LRRC4C: variants seen among roughly 807,000 people sequenced by gnomAD.
LRRC4C encodes the protein leucine rich repeat containing 4C, also known as leucine-rich repeat-containing protein 4C.
LRRC4C carries 5 observed loss-of-function variants against 33.6 expected under a neutral mutation model. The observed-to-expected ratio is 0.15, with a 90% CI of 0.08 to 0.31. The LOEUF is 0.31. Among genes scored for constraint, LRRC4C ranks in the 10% least tolerant of loss-of-function variants. The probability of loss-of-function intolerance (pLI) is 1.00; values close to 1 mark genes in which losing one functional copy is unlikely to be tolerated. For missense variants in LRRC4C, 560 were observed against 796.7 expected (o/e 0.70, Z 3.58); for synonymous variants, 329 against 302.0 (o/e 1.09, Z -0.93).
At chr11:40,168,345 G>A (rs1859768567) in intron 5 of LRRC4C, among the ~76,000 whole-genome samples, 1 of 152,168 alleles carries the variant, frequency 6.6e-6, no homozygotes, top group African/African-American at 2.4e-5. Flanking sequence ...GTTCTGGGTA[G>A]GGTTGCACAC....
chr11:40,150,963 C>T (rs903820140), intron 5 of LRRC4C, among the ~76,000 whole-genome samples: 5 of 152,134 alleles, frequency 3.3e-5, no homozygotes, highest in Non-Finnish European at 7.3e-5. Flanking sequence ...CATCTGCCAA[C>T]TACCAGTGCA....
chr11:40,426,012 ATT>A (rs58586544), intron 3 of LRRC4C, among the ~76,000 whole-genome samples: 44,806 of 127,840 alleles, frequency 0.35, 6,726 homozygotes, highest in East Asian at 0.48. Context: ...AGTCAGTTGC[ATT>A]TTTTTTTTTT....
At chr11:40,929,256 C>T (rs1290819999) in intron 2 of LRRC4C, among the ~76,000 whole-genome samples, 1 of 152,116 alleles carries the variant, frequency 6.6e-6, no homozygotes, top group Non-Finnish European at 1.5e-5. Flanking sequence ...CCACATTAAT[C>T]CCATACTTCT....
intron 2 of LRRC4C, among the ~76,000 whole-genome samples, chr11:40,843,411 C>A (rs1953005658): frequency 2.6e-5 from 4 of 152,098 alleles, no homozygotes; most frequent in Admixed American, 2.6e-4. Context: ...CTGACATTCC[C>A]TACTAGCATC....
intron 2 of LRRC4C, among the ~76,000 whole-genome samples, chr11:40,888,132 T>A (rs1955546181): frequency 1.3e-5 from 2 of 151,964 alleles, no homozygotes; most frequent in Non-Finnish European, 2.9e-5. Context: ...AAAACCCTGG[T>A]ATTTTGTGAA....
intron 4 of LRRC4C, among the ~76,000 whole-genome samples, chr11:40,244,703 G>A (rs976812376): frequency 2.0e-5 from 3 of 151,352 alleles, no homozygotes; most frequent in Admixed American, 2.0e-4. Context: ...TGTTTTTTGA[G>A]TTGATTTTCA....
At position 40,170,780 on chromosome 11, in the gene LRRC4C, T is replaced by C. The variant is rs79028247; in HGVS notation, c.-95-29927A>G. On this transcript the variant is annotated intron_variant, in intron 5 of 6. Coordinates refer to ENST00000528697, the MANE Select transcript of LRRC4C (RefSeq NM_001258419.2). ...TGCCTTTAGAAATCTCAGGCTTACC[T>C]CATCCTTCCAACACATGAGCAAGAA... Among the ~76,000 whole-genome samples, 667 of 152,314 alleles carry C rather than the reference T, an allele frequency of 4.4e-3. 7 individuals carry two copies. The highest frequency in any genetic ancestry group is 0.015 in the African/African-American group (623 of 41,570).
At chr11:41,214,789 A>G (rs1301377854) in intron 1 of LRRC4C, among the ~76,000 whole-genome samples, 5 of 144,292 alleles carry the variant, frequency 3.5e-5, no homozygotes, top group Admixed American at 1.4e-4. Context: ...ACATATATAT[A>G]TGTGTGTATA....
chr11:41,402,104 A>G (rs961550883), intron 1 of LRRC4C, among the ~76,000 whole-genome samples: 1 of 152,146 alleles, frequency 6.6e-6, no homozygotes, highest in African/African-American at 2.4e-5. Context: ...AAATACTACA[A>G]TACAGTCTGA....
chr11:40,844,689 T>C (rs755458588), intron 2 of LRRC4C, among the ~76,000 whole-genome samples: 2 of 152,176 alleles, frequency 1.3e-5, no homozygotes, highest in African/African-American at 2.4e-5. Flanking sequence ...TCTCATTTAT[T>C]ACTAAACTCC....
At chr11:40,944,615 C>T (rs897098296) in intron 1 of LRRC4C, among the ~76,000 whole-genome samples, 1 of 152,176 alleles carries the variant, frequency 6.6e-6, no homozygotes, top group African/African-American at 2.4e-5. Context: ...GATGCCCTTT[C>T]TGTACCTCTG....
intron 1 of LRRC4C, among the ~76,000 whole-genome samples, chr11:41,262,507 T>C (rs1949015914): frequency 6.6e-6 from 1 of 152,070 alleles, no homozygotes; most frequent in Non-Finnish European, 1.5e-5. Flanking sequence ...TGAGGGCTTC[T>C]CTTTCTTGGA....
intron 2 of LRRC4C, among the ~76,000 whole-genome samples, chr11:40,841,399 C>G (rs1323980556): frequency 6.6e-6 from 1 of 152,150 alleles, no homozygotes; most frequent in Admixed American, 6.5e-5. Context: ...GCCCTAACTC[C>G]CATTGCTGTT....
chr11:41,374,931 G>A (rs1223127143), intron 1 of LRRC4C, among the ~76,000 whole-genome samples: 3 of 152,020 alleles, frequency 2.0e-5, no homozygotes, highest in African/African-American at 7.3e-5. Context: ...TTTGAGACCA[G>A]CCTGGACAAC....
chr11:41,386,927 G>A (rs1953383479), intron 1 of LRRC4C, among the ~76,000 whole-genome samples: 1 of 151,680 alleles, frequency 6.6e-6, no homozygotes, highest in African/African-American at 2.4e-5. Context: ...GAGCTCAGGA[G>A]CTAATATTTG....
intron 1 of LRRC4C, among the ~76,000 whole-genome samples, chr11:41,097,456 C>G (rs1940882466): frequency 6.6e-6 from 1 of 152,022 alleles, no homozygotes; most frequent in African/African-American, 2.4e-5. Flanking sequence ...GAACACCACC[C>G]TAGTACAAAG....
chr11:41,096,191 C>A (rs980253872), intron 1 of LRRC4C, among the ~76,000 whole-genome samples: 1 of 152,100 alleles, frequency 6.6e-6, no homozygotes, highest in Non-Finnish European at 1.5e-5. Flanking sequence ...ATTTACAAAG[C>A]ACAGAATTAC....
chr11:41,007,979 T>C (rs544507386), intron 1 of LRRC4C, among the ~76,000 whole-genome samples: 1 of 152,268 alleles, frequency 6.6e-6, no homozygotes, highest in East Asian at 1.9e-4. Context: ...TCATATTCCA[T>C]TTTCTTTCAT....
chr11:40,308,846 C>T (rs981795919), intron 4 of LRRC4C, among the ~76,000 whole-genome samples: 1 of 152,124 alleles, frequency 6.6e-6, no homozygotes, highest in South Asian at 2.1e-4. Context: ...AGGTATTGAA[C>T]ATCTAGATCT....
Sources: allele counts gnomAD v4.1 joint callset (sites outside exome capture counted in the v4.1 genomes callset), GRCh38; gene constraint gnomAD v4.1.1; transcripts MANE v1.5; gene names NCBI Gene and HGNC (gene_info 2026-07-23, HGNC 2026-07-21).